The following ST7L variants were observed in gnomAD, a reference collection of about 807,000 sequenced individuals.
The protein encoded by ST7L is suppressor of tumorigenicity 7 protein-like.
ST7L carries 57 observed loss-of-function variants against 72.5 expected under a neutral mutation model. The observed-to-expected ratio is 0.79, with a 90% CI of 0.64 to 0.98. The LOEUF is 0.98. ST7L is among the 50% of genes least tolerant of loss of function. The pLI is 0.00. For missense variants in ST7L, 576 were observed against 672.2 expected, an observed-to-expected ratio of 0.86 and a Z score of 1.58; for synonymous variants, 221 against 240.9, an observed-to-expected ratio of 0.92 and a Z score of 0.77.
At position 112,525,930 on chromosome 1, in the gene ST7L, T is replaced by C. The variant is rs1653299630; in HGVS notation, c.*83A>G. Reference sequence around the variant, plus strand: ...ATATGTAATCCTCACAACAACCCTGTGAGGTAGGGGTTACTGTCACTTTAC... The same window carrying C: ...ATATGTAATCCTCACAACAACCCTGCGAGGTAGGGGTTACTGTCACTTTAC... On this transcript the variant is annotated 3_prime_UTR_variant, in exon 15 of 15. Coordinates refer to ENST00000358039, the MANE Select transcript of ST7L (RefSeq NM_017744.5). The C allele has an allele frequency of 1.3e-6, 2 of 1,577,204 alleles. No individual in the cohort carries two copies. Among genetic ancestry groups the C allele is most frequent in the Non-Finnish European group, 1.7e-6 (2 of 1,156,234 alleles).
At chr1:112,602,841 G>T (rs1296984583) in intron 3 of ST7L, among the ~76,000 whole-genome samples, 1 of 149,310 alleles carries the variant, frequency 6.7e-6, no homozygotes, top group East Asian at 2.0e-4. Flanking sequence ...TCAGCCTCCC[G>T]AGTAGCTGGG....
At chr1:112,617,830 A>T (rs1670155598) in intron 1 of ST7L, among the ~76,000 whole-genome samples, 1 of 152,220 alleles carries the variant, frequency 6.6e-6, no homozygotes, top group Non-Finnish European at 1.5e-5. Context: ...ACGTAGAAAA[A>T]TAAATGACAA....
chr1:112,568,330 ATTTT>A (rs776031521), intron 11 of ST7L, among the ~76,000 whole-genome samples: 23 of 116,788 alleles, frequency 2.0e-4, no homozygotes, highest in Admixed American at 3.6e-4. Flanking sequence ...CTGTAATAAT[ATTTT>A]TTTTTTTTTT....
intron 11 of ST7L, among the ~76,000 whole-genome samples, chr1:112,559,267 C>T (rs1334133599): frequency 2.0e-5 from 3 of 152,132 alleles, no homozygotes; most frequent in South Asian, 2.1e-4. Context: ...ATTTTTTAGA[C>T]GGTGTCTTGC....
In ST7L at chr1:112,577,070, G is replaced by A. The variant is rs549004272; in HGVS notation, c.1161C>T (p.Ala387=). 2 of 1,597,616 alleles carry A rather than the reference G, an allele frequency of 1.3e-6. No homozygotes were observed. The highest frequency in any genetic ancestry group is 2.3e-5 in the South Asian group (2 of 87,572). Residue 387 remains alanine, a synonymous_variant, in exon 11 of 15, where the codon GCC becomes GCT. Transcript: ENST00000358039. ...TVSEKFSPET[A]SRRGLSTAEI... The stretch of plus-strand genomic sequence containing the variant: ...CTGCTGTGCTTAATCCTCTTCTGGA[G>A]GCTGTTTCTGGAGAGAATCTACAAG...
intron 11 of ST7L, among the ~76,000 whole-genome samples, chr1:112,565,970 C>T (rs1322981228): frequency 6.6e-6 from 1 of 151,614 alleles, no homozygotes; most frequent in Non-Finnish European, 1.5e-5. Context: ...ATGATCATGC[C>T]ACTGCACTCC....
intron 13 of ST7L, among the ~76,000 whole-genome samples, chr1:112,545,310 G>T (rs564758354): frequency 7.4e-4 from 113 of 152,004 alleles, no homozygotes; most frequent in Non-Finnish European, 1.2e-3. Flanking sequence ...ATAGCTTACA[G>T]CTTTGACAAC....
At chr1:112,578,505 G>GCCACCATGCC in intron 9 of ST7L, 88 bp from the exon 10 acceptor site, 11 of 1,158,306 alleles carry the variant, frequency 9.5e-6, no homozygotes, top group East Asian at 2.4e-5. Context: ...GCCAGGCATG[G>GCCACCATGCC]TGGCTCATGC....
At chr1:112,530,802 A>G (rs946086815) in intron 14 of ST7L, among the ~76,000 whole-genome samples, 5 of 152,222 alleles carry the variant, frequency 3.3e-5, no homozygotes, top group African/African-American at 1.2e-4. Flanking sequence ...CTCAATAAAG[A>G]TAGGAAATAT....
chr1:112,576,556 T>C (rs542234744), intron 11 of ST7L, among the ~76,000 whole-genome samples: 18 of 152,344 alleles, frequency 1.2e-4, no homozygotes, highest in Middle Eastern at 3.4e-3. Context: ...CCTCCTATCA[T>C]TGATTATTTT....
rs184542854 is a variant in ST7L, at chr1:112,557,082, G to T, written c.1246-1064C>A. ...TTTTTAATTTAGTTTTTAAATAACA[G>T]CCTTTATTGAGATATAATTCACATA... On this transcript the variant is annotated intron_variant, in intron 11 of 14. Transcript: ENST00000358039. Among the ~76,000 whole-genome samples the T allele has an allele frequency of 5.1e-4, 77 of 149,676 alleles. 1 individual carries two copies. Among genetic ancestry groups the T allele is most frequent in the African/African-American group, 1.7e-3 (71 of 40,662 alleles).
Position 112,603,699 on chromosome 1 carries a change from T to G in ST7L, c.452-2851A>C, listed in dbSNP as rs970881925. On this transcript the variant is annotated intron_variant, in intron 3 of 14. Transcript: ENST00000358039. ...TTGACTGTGTGGCTTAACAGAAATT[T>G]ATTTTCTCACAATTCTAGAGGCTAG... Among the ~76,000 whole-genome samples the G allele has an allele frequency of 7.3e-4, 111 of 152,228 alleles. 1 individual carries two copies. Among genetic ancestry groups the G allele is most frequent in the African/African-American group, 2.6e-3 (106 of 41,468 alleles).
chr1:112,568,861 A>ATATATATATAT (rs1661536936), intron 11 of ST7L, among the ~76,000 whole-genome samples: 116 of 114,798 alleles, frequency 1.0e-3, no homozygotes, highest in Admixed American at 5.9e-3. Context: ...TATAAATATA[A>ATATATATATAT]ATATATATAT....
intron 11 of ST7L, among the ~76,000 whole-genome samples, chr1:112,568,700 AAAAAACAACAAC>A (rs1195791116): frequency 1.5e-5 from 2 of 135,850 alleles, no homozygotes; most frequent in African/African-American, 2.8e-5. Context: ...TTAAAAAACA[AAAAAACAACAAC>A]AAAAAAACAA....
chr1:112,570,558 T>C (rs1395576799), intron 11 of ST7L, among the ~76,000 whole-genome samples: 1 of 85,944 alleles, frequency 1.2e-5, no homozygotes, highest in Non-Finnish European at 2.7e-5. Flanking sequence ...TATATATATA[T>C]ATATATATAT....
At chr1:112,558,288 T>C (rs964489473) in intron 11 of ST7L, among the ~76,000 whole-genome samples, 28 of 152,200 alleles carry the variant, frequency 1.8e-4, no homozygotes, top group Non-Finnish European at 3.5e-4. Flanking sequence ...GTTCCTCAGG[T>C]TGTTATACAA....
intron 3 of ST7L, 95 bp downstream of exon 3, chr1:112,610,746 C>T (rs867797874): frequency 2.8e-6 from 4 of 1,429,484 alleles, no homozygotes; most frequent in Middle Eastern, 1.8e-4. Flanking sequence ...CAAACATGCA[C>T]ACCACAGCAC....
At chr1:112,603,791 T>C (rs1025841515) in intron 3 of ST7L, among the ~76,000 whole-genome samples, 5 of 152,240 alleles carry the variant, frequency 3.3e-5, no homozygotes, top group African/African-American at 1.2e-4. Flanking sequence ...GAGTTCTTGT[T>C]GTGTTCTCAC....
intron 2 of ST7L, among the ~76,000 whole-genome samples, chr1:112,615,396 C>T (rs188416263): frequency 8.6e-4 from 131 of 152,312 alleles, no homozygotes; most frequent in African/African-American, 3.0e-3. Flanking sequence ...ATTTACTCTT[C>T]ATAATCCTAT....
Sources: allele counts gnomAD v4.1 joint callset (sites outside exome capture counted in the v4.1 genomes callset), GRCh38; gene constraint gnomAD v4.1.1; transcripts MANE v1.5; gene names NCBI Gene and HGNC (gene_info 2026-07-23, HGNC 2026-07-21).